The following ITPR2 variants were observed in gnomAD, a reference collection of about 807,000 sequenced individuals.
ITPR2 encodes the protein inositol 1,4,5-trisphosphate-gated calcium channel ITPR2.
In ITPR2, 207 loss-of-function variants were observed where a neutral mutation model predicts 317.1. The ratio of observed to expected loss-of-function variants is 0.65; its 90% CI spans 0.58 to 0.73. The LOEUF is 0.73. Ranked by LOEUF, ITPR2 falls within the 30% of genes least tolerant of loss-of-function variation. The pLI, the probability that ITPR2 is intolerant of heterozygous loss-of-function variation, is 0.00. For missense variants in ITPR2, 2,613 were observed against 3,284.0 expected (o/e 0.80, Z 4.99); for synonymous variants, 1,156 against 1,149.1 (o/e 1.01, Z -0.12).
intron 37 of ITPR2, among the ~76,000 whole-genome samples, chr12:26,507,706 A>G (rs993039142): frequency 2.0e-5 from 3 of 152,246 alleles, no homozygotes; most frequent in Non-Finnish European, 2.9e-5. Context: ...AAAGTATTTA[A>G]TAAACATTAT....
intron 32 of ITPR2, among the ~76,000 whole-genome samples, chr12:26,585,039 T>C (rs1189575689): frequency 6.6e-6 from 1 of 152,208 alleles, no homozygotes; most frequent in Non-Finnish European, 1.5e-5. Flanking sequence ...CGAAATTCTT[T>C]TTTTAAACAG....
intron 54 of ITPR2, among the ~76,000 whole-genome samples, chr12:26,397,701 G>C (rs1000211137): frequency 2.0e-5 from 3 of 152,132 alleles, no homozygotes; most frequent in African/African-American, 7.2e-5. Context: ...TGAGGTGAAC[G>C]AAACACTCAA....
At chr12:26,504,717 C>G (rs1943146546) in intron 37 of ITPR2, among the ~76,000 whole-genome samples, 1 of 152,140 alleles carries the variant, frequency 6.6e-6, no homozygotes, top group Non-Finnish European at 1.5e-5. Flanking sequence ...GGGAAACATG[C>G]TCAAGGAAAC....
intron 55 of ITPR2, among the ~76,000 whole-genome samples, chr12:26,381,614 T>C (rs1939512077): frequency 6.6e-6 from 1 of 152,244 alleles, no homozygotes; most frequent in African/African-American, 2.4e-5. Context: ...ACAATTATTA[T>C]GTTAACAAAA....
intron 2 of ITPR2, among the ~76,000 whole-genome samples, chr12:26,768,402 C>A (rs1949763933): frequency 8.9e-6 from 1 of 112,816 alleles, no homozygotes; most frequent in African/African-American, 3.4e-5. Flanking sequence ...TACCCTAAAA[C>A]TTAAAGTATA....
intron 37 of ITPR2, among the ~76,000 whole-genome samples, chr12:26,529,447 C>T (rs547962689): frequency 1.3e-5 from 2 of 152,180 alleles, no homozygotes; most frequent in East Asian, 1.9e-4. Flanking sequence ...GGCTGCATGG[C>T]CTTCCTCAGT....
intron 49 of ITPR2, among the ~76,000 whole-genome samples, chr12:26,423,311 A>G (rs1304713776): frequency 6.6e-6 from 1 of 152,210 alleles, no homozygotes; most frequent in Admixed American, 6.5e-5. Context: ...TAGCAGTAAC[A>G]TAAGACCTCC....
intron 37 of ITPR2, among the ~76,000 whole-genome samples, chr12:26,530,783 AAAAG>A (rs1006376379): frequency 6.6e-6 from 1 of 152,228 alleles, no homozygotes; most frequent in Non-Finnish European, 1.5e-5. Context: ...ATTCAGAAAA[AAAAG>A]AAATAATTCT....
intron 34 of ITPR2, among the ~76,000 whole-genome samples, chr12:26,576,774 T>C (rs1239664785): frequency 6.6e-6 from 1 of 152,178 alleles, no homozygotes; most frequent in Non-Finnish European, 1.5e-5. Context: ...AGCAGCAGCC[T>C]GACCTAGCAC....
At chr12:26,511,529 TG>T (rs1943347056) in intron 37 of ITPR2, among the ~76,000 whole-genome samples, 1 of 152,274 alleles carries the variant, frequency 6.6e-6, no homozygotes, top group African/African-American at 2.4e-5. Context: ...TAACTTTTTT[TG>T]TAAGTATTTA....
chr12:26,605,126 A>AAAAAAAAATATATATATATATATAT (rs1555165395), intron 26 of ITPR2, among the ~76,000 whole-genome samples: 18 of 136,308 alleles, frequency 1.3e-4, no homozygotes, highest in Admixed American at 5.8e-4. Context: ...AAAAAATAAA[A>AAAAAAAAATATATATATATATATAT]ATATATATAT....
At chr12:26,683,061 A>G (rs1948065875) in intron 11 of ITPR2, among the ~76,000 whole-genome samples, 1 of 152,200 alleles carries the variant, frequency 6.6e-6, no homozygotes, top group South Asian at 2.1e-4. Context: ...CAAATAGCCA[A>G]CTCAGCTAAC....
chr12:26,570,049 C>G (rs1371109391), intron 34 of ITPR2, among the ~76,000 whole-genome samples: 3 of 152,146 alleles, frequency 2.0e-5, no homozygotes, highest in Non-Finnish European at 4.4e-5. Context: ...GAGATACTCA[C>G]CCATTTATTT....
chr12:26,599,362 A>G lies in ITPR2; in HGVS notation c.3802-17T>C, dbSNP rs2136736648. On this transcript the variant is annotated splice_polypyrimidine_tract_variant and intron_variant, in intron 29 of 56. Coordinates refer to ENST00000381340, the MANE Select transcript of ITPR2 (RefSeq NM_002223.4). ...TTCAAGGAGCTAAACACAGAGGAAC[A>G]TGCCCTTGTAATTCTGACAAGATCA... The G allele has an allele frequency of 6.2e-7, 1 of 1,610,592 alleles. No individual in the cohort carries two copies. The highest frequency in any genetic ancestry group is 8.5e-7 in the Non-Finnish European group (1 of 1,176,744).
chr12:26,393,165 CA>C, intron 54 of ITPR2, among the ~76,000 whole-genome samples: 1 of 152,210 alleles, frequency 6.6e-6, no homozygotes. Flanking sequence ...TCCCTTGGCA[CA>C]CACCTGGAGC....
At chr12:26,445,550 G>A (rs938921512) in intron 45 of ITPR2, among the ~76,000 whole-genome samples, 8 of 152,106 alleles carry the variant, frequency 5.3e-5, no homozygotes, top group Non-Finnish European at 7.4e-5. Context: ...GTGTCTTGCA[G>A]CCAAGTGAAG....
chr12:26,772,234 T>A (rs1275179912), intron 2 of ITPR2, among the ~76,000 whole-genome samples: 3 of 151,470 alleles, frequency 2.0e-5, no homozygotes, highest in African/African-American at 7.3e-5. Flanking sequence ...CAAGTCTACA[T>A]GTCCTTCCCT....
chr12:26,343,329 C>G (rs7978585), intron 55 of ITPR2, among the ~76,000 whole-genome samples: 84,880 of 151,926 alleles, frequency 0.56, 23,852 homozygotes, highest in Middle Eastern at 0.6. Context: ...GAAGGTAGAA[C>G]AACTTCAGGA....
chr12:26,763,400 T>A (rs1349526076), intron 2 of ITPR2, among the ~76,000 whole-genome samples: 1 of 152,064 alleles, frequency 6.6e-6, no homozygotes, highest in Non-Finnish European at 1.5e-5. Context: ...AAGGTATGAC[T>A]TTTTTTCCCA....
Sources: gnomAD v4.1 joint callset for allele counts (sites outside exome capture counted in the v4.1 genomes callset) on GRCh38, gnomAD v4.1.1 for gene constraint, MANE v1.5 for transcripts, NCBI Gene and HGNC (gene_info 2026-07-23, HGNC 2026-07-21) for gene names.